The following TMEM117 variants were observed in gnomAD, a reference collection of about 807,000 sequenced individuals.
The protein encoded by TMEM117 is transmembrane protein 117.
TMEM117 carries 27 observed loss-of-function variants against 52.4 expected under a neutral mutation model. The ratio of observed to expected loss-of-function variants is 0.51; its 90% CI spans 0.38 to 0.71. The LOEUF is 0.71. TMEM117 is among the 30% of genes least tolerant of loss of function. The pLI, the probability that TMEM117 is intolerant of heterozygous loss-of-function variation, is 0.00. For synonymous variants in TMEM117, 215 were observed against 206.3 expected, an observed-to-expected ratio of 1.04 and a Z score of -0.36; for missense variants, 556 against 630.5, an observed-to-expected ratio of 0.88 and a Z score of 1.26.
intron 5 of TMEM117, among the ~76,000 whole-genome samples, chr12:44,296,361 C>T (rs1950769311): frequency 6.6e-6 from 1 of 152,120 alleles, no homozygotes; most frequent in Non-Finnish European, 1.5e-5. Context: ...GGGTCCACAG[C>T]TGAGTTCAGT....
intron 7 of TMEM117, 31 bp downstream of exon 7, chr12:44,376,755 A>T: frequency 6.4e-7 from 1 of 1,568,582 alleles, no homozygotes; most frequent in African/African-American, 1.4e-5. Context: ...CAATTTGATT[A>T]TCTTCGTACA....
At chr12:44,003,454 C>T (rs1946146126) in intron 3 of TMEM117, among the ~76,000 whole-genome samples, 1 of 152,166 alleles carries the variant, frequency 6.6e-6, no homozygotes, top group Admixed American at 6.5e-5. Flanking sequence ...GTGGAAAAAG[C>T]CTGCAGTCCT....
At position 44,152,386 on chromosome 12, in the gene TMEM117, AT is replaced by A. The variant is rs540599071; in HGVS notation, c.510+8765del. On this transcript the variant is annotated intron_variant, in intron 4 of 7. Coordinates refer to ENST00000266534, the MANE Select transcript of TMEM117 (RefSeq NM_032256.3). Reference sequence around the variant, plus strand: ...TATTATATCATATATAAATTTATATATTTATATATAATATTTATATCATATA... The same window carrying A: ...TATTATATCATATATAAATTTATATATTATATATAATATTTATATCATATA... 7.3e-3 allele frequency among the ~76,000 whole-genome samples: 812 copies of A among 111,222 alleles called. 8 individuals are homozygous for A. The highest frequency in any genetic ancestry group is 0.03 in the African/African-American group (770 of 25,470). 73.0% of individuals were successfully genotyped at this position (111,222 alleles called of 152,430 possible).
At chr12:44,115,460 A>G (rs1261069187) in intron 3 of TMEM117, among the ~76,000 whole-genome samples, 1 of 152,190 alleles carries the variant, frequency 6.6e-6, no homozygotes, top group Non-Finnish European at 1.5e-5. Flanking sequence ...AGTACAATTT[A>G]AAAAACCCGC....
At chr12:43,798,244 A>G in the TMEM117 span, among the ~76,000 whole-genome samples, 1 of 152,182 alleles carries the variant, frequency 6.6e-6, no homozygotes, top group East Asian at 1.9e-4. Context: ...AACATCATGC[A>G]CTGAATTGAA....
intron 2 of TMEM117, among the ~76,000 whole-genome samples, chr12:43,886,514 C>T (rs975551065): frequency 6.6e-6 from 1 of 152,128 alleles, no homozygotes; most frequent in African/African-American, 2.4e-5. Context: ...CAAATTCAAA[C>T]AGCTTGCATA....
At chr12:43,955,706 A>G (rs902108966) in intron 3 of TMEM117, among the ~76,000 whole-genome samples, 2 of 152,236 alleles carry the variant, frequency 1.3e-5, no homozygotes, top group African/African-American at 4.8e-5. Context: ...GAAAATGGCC[A>G]TACTGCCCAA....
chr12:44,211,193 T>A (rs1443627353), intron 4 of TMEM117, 97 bp from the exon 5 acceptor site: 23 of 818,730 alleles, frequency 2.8e-5, no homozygotes, highest in Middle Eastern at 2.2e-4. Flanking sequence ...AAACGTATAC[T>A]TATTCTGTTC....
chr12:44,078,603 A>T (rs935194799), intron 3 of TMEM117, among the ~76,000 whole-genome samples: 5 of 151,164 alleles, frequency 3.3e-5, no homozygotes, highest in Non-Finnish European at 7.4e-5. Context: ...TTACATTTCA[A>T]TTTTTTTTTC....
At chr12:43,854,341 C>A (rs117035379) in intron 2 of TMEM117, among the ~76,000 whole-genome samples, 2 of 150,934 alleles carry the variant, frequency 1.3e-5, no homozygotes, top group African/African-American at 2.4e-5. Context: ...GTATGTGAGG[C>A]GATGTGAAAC....
intron 6 of TMEM117, among the ~76,000 whole-genome samples, chr12:44,348,268 GA>G (rs34586739): frequency 0.47 from 68,682 of 146,156 alleles, 16,529 homozygotes; most frequent in East Asian, 0.89. Flanking sequence ...CTTTAAGAAT[GA>G]AAAAAAAAAA....
chr12:44,071,756 T>C (rs555153633), intron 3 of TMEM117, among the ~76,000 whole-genome samples: 7 of 152,256 alleles, frequency 4.6e-5, no homozygotes, highest in Admixed American at 1.3e-4. Context: ...AGATAGGTAA[T>C]ATCACATGTA....
At chr12:44,075,023 T>C (rs1196276643) in intron 3 of TMEM117, among the ~76,000 whole-genome samples, 1 of 152,224 alleles carries the variant, frequency 6.6e-6, no homozygotes, top group African/African-American at 2.4e-5. Flanking sequence ...TTCTCAGAAG[T>C]TGAGTTTTTT....
At chr12:44,267,963 G>C (rs981864564) in intron 5 of TMEM117, among the ~76,000 whole-genome samples, 2 of 152,152 alleles carry the variant, frequency 1.3e-5, no homozygotes, top group Admixed American at 6.5e-5. Context: ...TTGAACATGG[G>C]AGTGCAGATA....
intron 5 of TMEM117, among the ~76,000 whole-genome samples, chr12:44,294,278 C>G (rs959824603): frequency 1.3e-5 from 2 of 152,200 alleles, no homozygotes; most frequent in African/African-American, 4.8e-5. Flanking sequence ...AGTATTCCCT[C>G]TCTATCTGTG....
chr12:44,353,312 T>C (rs867411224), intron 6 of TMEM117, among the ~76,000 whole-genome samples: 38 of 152,320 alleles, frequency 2.5e-4, no homozygotes, highest in African/African-American at 8.7e-4. Flanking sequence ...TAGATCCCAT[T>C]TGTCAATTTT....
At chr12:44,336,339 T>C (rs552759535) in intron 6 of TMEM117, among the ~76,000 whole-genome samples, 1 of 152,152 alleles carries the variant, frequency 6.6e-6, no homozygotes, top group Admixed American at 6.6e-5. Flanking sequence ...AGTGAATTGA[T>C]GGTAATGAGT....
At chr12:44,284,052 C>T (rs1221883378) in intron 5 of TMEM117, among the ~76,000 whole-genome samples, 2 of 152,138 alleles carry the variant, frequency 1.3e-5, no homozygotes, top group African/African-American at 2.4e-5. Context: ...CGGTGGCTCA[C>T]ATCTGTAATC....
intron 3 of TMEM117, among the ~76,000 whole-genome samples, chr12:44,010,922 T>C (rs1013650648): frequency 6.6e-6 from 1 of 152,208 alleles, no homozygotes; most frequent in Non-Finnish European, 1.5e-5. Flanking sequence ...GTCAGAGCAA[T>C]TAAGAATAAC....
Sources: gnomAD v4.1 joint callset for allele counts (sites outside exome capture counted in the v4.1 genomes callset) on GRCh38, gnomAD v4.1.1 for gene constraint, MANE v1.5 for transcripts, NCBI Gene and HGNC (gene_info 2026-07-23, HGNC 2026-07-21) for gene names.